Variants in HNRNPL observed in about 807,000 individuals in gnomAD.
The protein encoded by HNRNPL is heterogeneous nuclear ribonucleoprotein L.
In HNRNPL, 12 loss-of-function variants were observed where a neutral mutation model predicts 64.0. That is an observed-to-expected ratio of 0.19 (90% CI 0.12 to 0.30). HNRNPL has a LOEUF of 0.30. HNRNPL is among the 10% of genes least tolerant of loss of function. The pLI is 1.00. For synonymous variants in HNRNPL, 385 were observed against 313.0 expected, an observed-to-expected ratio of 1.23 and a Z score of -2.43; for missense variants, 484 against 797.4, an observed-to-expected ratio of 0.61 and a Z score of 4.73.
intron 6 of HNRNPL, chr19:38,842,227 G>A (rs1259064779): frequency 2.6e-5 from 4 of 152,310 alleles, no homozygotes; most frequent in African/African-American, 9.8e-5. Context: ...CAAACCAAAT[G>A]ACTTAAAAAA....
At chr19:38,840,644 C>G in intron 6 of HNRNPL, 85 bp from the exon 7 acceptor site, 1 of 1,127,418 alleles carries the variant, frequency 8.9e-7, no homozygotes, top group South Asian at 1.4e-5. Context: ...GATCTGAGCC[C>G]CCAGCTCCTG....
intron 4 of HNRNPL, chr19:38,845,024 AT>A (rs1339210024): frequency 6.6e-6 from 1 of 152,310 alleles, no homozygotes; most frequent in Non-Finnish European, 1.5e-5. Context: ...CCCCTTTTAA[AT>A]AAATTCCTTT....
At chr19:38,837,510 T>C (rs773961004) in intron 11 of HNRNPL, 31 bp from the exon 12 acceptor site, 1 of 1,612,658 alleles carries the variant, frequency 6.2e-7, no homozygotes, top group Admixed American at 1.7e-5. Flanking sequence ...AAAGTAAAGG[T>C]TTTAGACTCA....
chr19:38,849,727 G>A lies in HNRNPL; in HGVS notation c.240C>T (p.Ala80=), dbSNP rs958260012. The A allele has an allele frequency of 4.4e-6, 6 of 1,372,722 alleles. No individual in the cohort carries two copies. Among genetic ancestry groups the A allele is most frequent in the African/African-American group, 3.1e-5 (2 of 64,582 alleles). 85.0% of individuals were successfully genotyped at this position (1,372,722 alleles called of 1,614,324 possible). The change falls in exon 1 of 13, where the codon GCC becomes GCT. Residue 80 remains alanine, a synonymous_variant. Transcript: ENST00000221419. ...HGGGGGGGGG[A]GAAGGGGGGE... ...CACCGCCGCCGCCGCCCGCCGCCCCGGCTCCTCCACCGCCACCGCCGCCGC... is the reference window on the plus strand; with the variant it reads ...CACCGCCGCCGCCGCCCGCCGCCCCAGCTCCTCCACCGCCACCGCCGCCGC...
intron 1 of HNRNPL, among the ~76,000 whole-genome samples, chr19:38,849,002 G>A (rs182159540): frequency 1.3e-5 from 2 of 152,242 alleles, no homozygotes; most frequent in African/African-American, 4.8e-5. Flanking sequence ...CTGATTACAG[G>A]GGGTCGAAAT....
intron 6 of HNRNPL, chr19:38,841,549 T>C: frequency 1.4e-6 from 1 of 711,440 alleles, no homozygotes; most frequent in Non-Finnish European, 2.2e-6. Context: ...AAGGACTACT[T>C]ACAGCAGAAG....
In HNRNPL at chr19:38,846,818, G is replaced by C. The variant is rs151247346; in HGVS notation, c.386+498C>G. 8.2e-3 allele frequency among the ~76,000 whole-genome samples: 1,248 copies of C among 152,304 alleles called. 7 individuals are homozygous for C. The highest frequency in any genetic ancestry group is 0.037 in the Middle Eastern group (11 of 294). ...AGCTACTCGGGAGGCTGAGGCAGGA[G>C]AATGGCGTGAACCCACGAGACAAAG... On this transcript the variant is annotated intron_variant, in intron 2 of 12. Transcript: ENST00000221419.
chr19:38,847,219 G>A (rs902873349), intron 2 of HNRNPL, 97 bp downstream of exon 2: 44 of 573,252 alleles, frequency 7.7e-5, no homozygotes, highest in Middle Eastern at 5.2e-4. Context: ...GACCAGGATG[G>A]CAACAAAATC....
At chr19:38,842,073 G>GA (rs1371220701) in intron 6 of HNRNPL, 1 of 117,344 alleles carries the variant, frequency 8.5e-6, no homozygotes, top group Non-Finnish European at 2.1e-5. Flanking sequence ...GTCTGTTTTG[G>GA]TTTTTTTGAT....
chr19:38,838,135 G>T (rs373741784), intron 10 of HNRNPL, among the ~76,000 whole-genome samples: 101 of 152,320 alleles, frequency 6.6e-4, no homozygotes, highest in African/African-American at 2.3e-3. Flanking sequence ...CCCAGCAAAC[G>T]AGCAGTTGCC....
intron 2 of HNRNPL, among the ~76,000 whole-genome samples, chr19:38,846,342 GC>G (rs1384656743): frequency 1.3e-5 from 2 of 152,174 alleles, no homozygotes; most frequent in African/African-American, 4.8e-5. Context: ...CCCACAGACG[GC>G]TTCTTGAGCT....
chr19:38,851,908 C>T (rs903349133), upstream of HNRNPL, among the ~76,000 whole-genome samples: 2 of 152,128 alleles, frequency 1.3e-5, no homozygotes, highest in African/African-American at 2.4e-5. Flanking sequence ...GCCAACGGAA[C>T]AGAGACGGGG....
rs753971379 is a variant in HNRNPL at position 38,845,743 on chromosome 19, A to G, written c.625-8T>C. On this transcript the variant is annotated splice_polypyrimidine_tract_variant and splice_region_variant and intron_variant, in intron 3 of 12. Coordinates refer to ENST00000221419, the MANE Select transcript of HNRNPL (RefSeq NM_001533.3). ...GATAGTGTAAAGAACATCCTGCAAA[A>G]GCAAACACAGGCAAGATGAAGGGGC... is the stretch of plus-strand genomic sequence containing the variant. 7 of 1,613,132 alleles carry G rather than the reference A, an allele frequency of 4.3e-6. No homozygotes were observed. The highest frequency in any genetic ancestry group is 5.9e-6 in the Non-Finnish European group (7 of 1,179,026).
At chr19:38,842,160 G>A (rs1194670343) in intron 6 of HNRNPL, 1 of 145,180 alleles carries the variant, frequency 6.9e-6, no homozygotes, top group South Asian at 2.1e-4. Context: ...TATGTTGGCA[G>A]CCGGTGACTG....
At chr19:38,841,164 C>A (rs1440703335) in intron 6 of HNRNPL, 3 of 241,582 alleles carry the variant, frequency 1.2e-5, no homozygotes, top group East Asian at 2.4e-4. Flanking sequence ...ATGTACAAGG[C>A]ATCGACATTC....
chr19:38,840,725 A>G (rs915462051), intron 6 of HNRNPL, 166 bp from the exon 7 acceptor site: 1 of 638,524 alleles, frequency 1.6e-6, no homozygotes, highest in Non-Finnish European at 2.7e-6. Flanking sequence ...GGCGGGCATG[A>G]AGCCCGAGCC....
chr19:38,839,116 A>C, intron 8 of HNRNPL, 101 bp from the exon 9 acceptor site: 1 of 1,438,788 alleles, frequency 7.0e-7, no homozygotes, highest in Non-Finnish European at 9.6e-7. Context: ...CTGGCCTCCC[A>C]TGTCCTCACA....
Position 38,838,363 on chromosome 19 carries a change from G to A in HNRNPL, c.1557+34C>T, listed in dbSNP as rs770368687. On this transcript the variant is annotated intron_variant, in intron 10 of 12. Transcript: ENST00000221419. ...GGCCTACTCAGACGGCCGTGGCAAG[G>A]ACCCGACTGCCTGCGCAGCTCCACG... 6 of 1,573,432 alleles carry A rather than the reference G, an allele frequency of 3.8e-6. No individual in the cohort carries two copies. The Admixed American group carries it at 1.0e-4, about 27-fold the overall frequency.
At chr19:38,846,496 G>A (rs989938755) in intron 2 of HNRNPL, among the ~76,000 whole-genome samples, 1 of 152,230 alleles carries the variant, frequency 6.6e-6, no homozygotes, top group South Asian at 2.1e-4. Flanking sequence ...CTGGCCAGGA[G>A]CAGTAGTAGC....
Sources: allele counts gnomAD v4.1 joint callset (sites outside exome capture counted in the v4.1 genomes callset), GRCh38; gene constraint gnomAD v4.1.1; transcripts MANE v1.5; gene names NCBI Gene and HGNC (gene_info 2026-07-23, HGNC 2026-07-21).